Variants in RANBP2 observed in about 807,000 individuals in gnomAD.
RANBP2 encodes the protein E3 SUMO-protein ligase RanBP2.
Under a neutral mutation model 303.6 loss-of-function variants are expected in RANBP2, and 57 were observed. The ratio of observed to expected loss-of-function variants is 0.19; its 90% CI spans 0.15 to 0.23. The LOEUF (loss-of-function observed/expected upper bound fraction) is 0.23. RANBP2 is among the 10% of genes least tolerant of loss of function. RANBP2 has a pLI of 1.00. For synonymous variants in RANBP2, 1,167 were observed against 1,301.5 expected (o/e 0.90, Z 2.23); for missense variants, 3,138 against 3,780.8 (o/e 0.83, Z 4.46).
the RANBP2 span, among the ~76,000 whole-genome samples, chr2:109,220,144 T>C: frequency 3.3e-5 from 5 of 152,360 alleles, no homozygotes; most frequent in East Asian, 5.8e-4. Flanking sequence ...CATTGGTTTT[T>C]CAACAAAGAA....
the RANBP2 span, among the ~76,000 whole-genome samples, chr2:109,070,940 C>A: frequency 1.3e-5 from 2 of 152,050 alleles, no homozygotes; most frequent in Admixed American, 1.3e-4. Context: ...GCACGGGCTG[C>A]TCCTTCATCT....
chr2:109,654,529 A>G, the RANBP2 span, among the ~76,000 whole-genome samples: 27,473 of 151,788 alleles, frequency 0.18, 3,205 homozygotes, highest in Middle Eastern at 0.27. Context: ...CATACGCCTC[A>G]TTACTACCAC....
intron 1 of RANBP2, 80 bp from the exon 2 acceptor site, chr2:108,729,052 G>C: frequency 6.8e-7 from 1 of 1,470,064 alleles, no homozygotes; most frequent in South Asian, 1.2e-5. Flanking sequence ...CATCAACTTA[G>C]GACAGATTTT....
chr2:109,184,386 G>C, the RANBP2 span, among the ~76,000 whole-genome samples: 124,405 of 152,220 alleles, frequency 0.82, 50,967 homozygotes, highest in East Asian at 0.89. Flanking sequence ...ATGCAGAAAG[G>C]CAGCTTTTCA....
the RANBP2 span, among the ~76,000 whole-genome samples, chr2:108,841,882 A>G: frequency 1.5e-4 from 23 of 151,616 alleles, no homozygotes; most frequent in African/African-American, 4.6e-4. Context: ...ATTTTCCTTT[A>G]TAGTGTATTG....
At chr2:109,690,866 C>T in the RANBP2 span, among the ~76,000 whole-genome samples, 9 of 152,276 alleles carry the variant, frequency 5.9e-5, no homozygotes, top group African/African-American at 1.9e-4. Flanking sequence ...CCTTCATGTA[C>T]ACTCAGTAAC....
At chr2:109,202,214 C>T in the RANBP2 span, among the ~76,000 whole-genome samples, 1 of 152,188 alleles carries the variant, frequency 6.6e-6, no homozygotes, top group Non-Finnish European at 1.5e-5. Flanking sequence ...TCCCAAGCCA[C>T]CTGTGGACTG....
At chr2:109,065,982 G>A in the RANBP2 span, among the ~76,000 whole-genome samples, 18 of 152,284 alleles carry the variant, frequency 1.2e-4, no homozygotes, top group Non-Finnish European at 2.4e-4. Flanking sequence ...TTGTTGCCCA[G>A]GCTGGAGTGC....
the RANBP2 span, among the ~76,000 whole-genome samples, chr2:109,157,292 T>C: frequency 6.6e-6 from 1 of 152,228 alleles, no homozygotes; most frequent in East Asian, 1.9e-4. Flanking sequence ...TCCTGTCTCC[T>C]ACAGTGATCC....
the RANBP2 span, among the ~76,000 whole-genome samples, chr2:109,466,795 ATCTATATGTGTGTATG>A: frequency 2.6e-5 from 4 of 151,816 alleles, no homozygotes; most frequent in Admixed American, 6.6e-5. Flanking sequence ...GCATGTGTGT[ATCTATATGTGTGTATG>A]TCTATATGTG....
the RANBP2 span, among the ~76,000 whole-genome samples, chr2:109,338,033 CCTT>C: frequency 2.6e-5 from 4 of 151,970 alleles, no homozygotes. Context: ...CGCCCAGGCT[CCTT>C]CTGTTTTTGA....
At chr2:109,527,143 T>C in the RANBP2 span, among the ~76,000 whole-genome samples, 1 of 152,220 alleles carries the variant, frequency 6.6e-6, no homozygotes, top group Non-Finnish European at 1.5e-5. Flanking sequence ...AATGTTTACA[T>C]GTGCAACACC....
At chr2:109,401,397 C>T in the RANBP2 span, among the ~76,000 whole-genome samples, 3,006 of 152,266 alleles carry the variant, frequency 0.02, 267 homozygotes, top group East Asian at 0.24. Flanking sequence ...CTCCTTCCTC[C>T]TAGAAGAGCA....
the RANBP2 span, among the ~76,000 whole-genome samples, chr2:109,196,575 A>G: frequency 6.6e-6 from 1 of 152,128 alleles, no homozygotes; most frequent in African/African-American, 2.4e-5. Context: ...GAGTGGCCCT[A>G]CATCATGTGG....
the RANBP2 span, among the ~76,000 whole-genome samples, chr2:109,717,438 T>A: frequency 2.6e-5 from 4 of 151,864 alleles, no homozygotes; most frequent in Non-Finnish European, 5.9e-5. Flanking sequence ...AAAAATTTGC[T>A]GGGCATGGCG....
At chr2:109,691,329 C>T in the RANBP2 span, among the ~76,000 whole-genome samples, 1 of 152,094 alleles carries the variant, frequency 6.6e-6, no homozygotes, top group South Asian at 2.1e-4. Flanking sequence ...AACGTGGGGA[C>T]ATGCGGACAG....
chr2:109,503,238 T>G, the RANBP2 span: 2 of 152,228 alleles, frequency 1.3e-5, no homozygotes, highest in Non-Finnish European at 2.9e-5. Flanking sequence ...CCATTCAGAC[T>G]TAAATTAAGC....
At chr2:109,452,137 C>T in the RANBP2 span, among the ~76,000 whole-genome samples, 1 of 152,232 alleles carries the variant, frequency 6.6e-6, no homozygotes, top group African/African-American at 2.4e-5. Flanking sequence ...AAGGCATTTA[C>T]AGCTGCCATT....
chr2:108,740,453 AGT>A (rs1270415207), intron 6 of RANBP2, 34 bp from the exon 7 acceptor site: 8 of 1,597,186 alleles, frequency 5.0e-6, no homozygotes, highest in East Asian at 2.2e-5. Flanking sequence ...CAGTGCAGTA[AGT>A]GTGTATTATC....
Sources: allele counts gnomAD v4.1 joint callset (sites outside exome capture counted in the v4.1 genomes callset), GRCh38; gene constraint gnomAD v4.1.1; transcripts MANE v1.5; gene names NCBI Gene and HGNC (gene_info 2026-07-23, HGNC 2026-07-21).